INHA: variants seen among roughly 807,000 people sequenced by gnomAD.
INHA encodes the protein inhibin subunit alpha, also known as inhibin alpha chain.
Under a neutral mutation model 21.3 loss-of-function variants are expected in INHA, and 8 were observed. That is an observed-to-expected ratio of 0.38 (90% confidence interval 0.22 to 0.68). The LOEUF is 0.68. INHA is among the 30% of genes least tolerant of loss of function. The probability of loss-of-function intolerance (pLI) is 0.53; values close to 1 mark genes in which losing one functional copy is unlikely to be tolerated. For synonymous variants in INHA, 231 were observed against 207.5 expected (o/e 1.11, Z -0.97); for missense variants, 436 against 465.8 (o/e 0.94, Z 0.59).
chr2:219,573,511 A>T (rs570233402), intron 1 of INHA, among the ~76,000 whole-genome samples: 25 of 151,434 alleles, frequency 1.7e-4, no homozygotes, highest in Non-Finnish European at 2.8e-4. Context: ...TCTGAGTTAC[A>T]GCCCTCCTCC....
At position 219,575,701 on chromosome 2, in the gene INHA, A is replaced by G. The variant is rs766900105; in HGVS notation, c.*175A>G. ...TCTATCTCAATAAAGAACACAGTGC[A>G]TATGACTTGACATATGTTCTCCAGC... On this transcript the variant is annotated 3_prime_UTR_variant, in exon 2 of 2. Coordinates refer to ENST00000243786, the MANE Select transcript of INHA (RefSeq NM_002191.4). The G allele has an allele frequency of 7.8e-5, 49 of 628,028 alleles. No homozygotes were observed. The highest frequency in any genetic ancestry group is 1.4e-4 in the Non-Finnish European group (48 of 350,890). The allele number at this position is 628,028 out of a possible 1,614,324, so 38.9% of individuals were successfully genotyped here.
chr2:219,575,344 G>A lies in INHA; in HGVS notation c.919G>A (p.Val307Ile), dbSNP rs1398984162. Residue 307 changes from valine to isoleucine, a missense_variant, in exon 2 of 2, where the codon GTC becomes ATC. By Grantham distance (29) the Val-to-Ile change is conservative. Coordinates refer to ENST00000243786, the MANE Select transcript of INHA (RefSeq NM_002191.4). ...CATCCCACCAAACCTGTCCCTTCCA[G>A]TCCCTGGGGCTCCCCCTACCCCAGC... Reference protein sequence around the residue: ...LHIPPNLSLPVPGAPPTPAQP... With the variant: ...LHIPPNLSLPIPGAPPTPAQP... 7 of 1,614,156 alleles carry A rather than the reference G, an allele frequency of 4.3e-6. No homozygotes were observed. Among genetic ancestry groups the A allele is most frequent in the Non-Finnish European group, 5.9e-6 (7 of 1,180,006 alleles).
In INHA at chr2:219,574,888, C is replaced by T. The variant is rs144727732; in HGVS notation, c.463C>T (p.Leu155=). 8.7e-6 allele frequency: 14 copies of T among 1,614,066 alleles called. No homozygotes were observed. The Middle Eastern group carries it at 4.9e-4, about 57-fold the overall frequency. The change falls in exon 2 of 2, where the codon CTG becomes TTG. Residue 155 remains leucine (L), a synonymous_variant. Coordinates refer to ENST00000243786, the MANE Select transcript of INHA (RefSeq NM_002191.4). ...TAGCTCTGAGCCCCTGCTAGGCCTG[C>T]TGGCACTGTCACCGGGAGGACCCGT... ...SNSSEPLLGL[L]ALSPGGPVAV...
rs762659098 is a variant in INHA, at chr2:219,575,045, C to A, written c.620C>A (p.Ala207Asp). 7 of 1,613,390 alleles carry A rather than the reference C, an allele frequency of 4.3e-6. No individual in the cohort carries two copies. The highest frequency in any genetic ancestry group is 5.1e-6 in the Non-Finnish European group (6 of 1,180,056). The change falls in exon 2 of 2, where the codon GCC becomes GAC. Residue 207 changes from alanine to aspartate, a missense_variant. Transcript: ENST00000243786. Reference protein sequence around the residue: ...LLRCPLCTCSARPEATPFLVA... With the variant: ...LLRCPLCTCSDRPEATPFLVA... The stretch of plus-strand genomic sequence containing the variant: ...CGCTGTCCCCTCTGTACCTGCTCAG[C>A]CCGGCCTGAGGCCACGCCCTTCCTG...
chr2:219,572,542 G>T lies in INHA; in HGVS notation c.168G>T (p.Arg56Ser), dbSNP rs1213613104. 1 of 1,584,540 alleles carries T rather than the reference G, an allele frequency of 6.3e-7. No individual in the cohort carries two copies. Among genetic ancestry groups the T allele is most frequent in the East Asian group, 2.3e-5 (1 of 43,064 alleles). ...VTREGGDPGV[R>S]RLPRRHALGG... ...GGGAAGGTGGGGACCCTGGAGTCAG[G>T]CGGCTGCCCCGAAGACATGCCCTGG... The change falls in exon 1 of 2, where the codon AGG becomes AGT. Residue 56 changes from arginine to serine, a missense_variant. By Grantham distance (110) the Arg-to-Ser change is moderately radical. Transcript: ENST00000243786.
intron 1 of INHA, 79 bp downstream of exon 1, chr2:219,572,721 T>C (rs1160155584): frequency 1.3e-6 from 2 of 1,482,252 alleles, no homozygotes; most frequent in Non-Finnish European, 1.8e-6. Flanking sequence ...CAGGCGGACC[T>C]GGGTTTGAAT....
Position 219,572,531 on chromosome 2 carries a change from C to A in INHA, c.157C>A (p.Pro53Thr). The change falls in exon 1 of 2, where the codon CCT (proline) becomes ACT (threonine). Residue 53 changes from proline to threonine, a missense_variant. Physicochemically the swap from Pro to Thr is conservative, Grantham distance 38 (BLOSUM62 -1). Transcript: ENST00000243786. Reference protein sequence around the residue: ...PPAVTREGGDPGVRRLPRRHA... With the variant: ...PPAVTREGGDTGVRRLPRRHA... ...CGCGGTGACCAGGGAAGGTGGGGAC[C>A]CTGGAGTCAGGCGGCTGCCCCGAAG... The A allele has an allele frequency of 6.3e-7, 1 of 1,597,174 alleles. No individual in the cohort carries two copies. Among genetic ancestry groups the A allele is most frequent in the Non-Finnish European group, 8.5e-7 (1 of 1,171,448 alleles).
chr2:219,574,652 C>T, intron 1 of INHA, 42 bp from the exon 2 acceptor site: 1 of 1,534,760 alleles, frequency 6.5e-7, no homozygotes, highest in Non-Finnish European at 8.9e-7. Context: ...CCAGGTCCTG[C>T]CAGTCAGGGC....
At chr2:219,572,669 AT>A (rs1459429435) in intron 1 of INHA, 27 bp downstream of exon 1, 9 of 1,550,972 alleles carry the variant, frequency 5.8e-6, no homozygotes, top group Non-Finnish European at 7.8e-6. Flanking sequence ...AACCGGCAGG[AT>A]GACTTTGAGA....
In INHA at chr2:219,575,172, G is replaced by A. The variant is rs140014760; in HGVS notation, c.747G>A (p.Leu249=). The part of the protein sequence containing the change: ...WPWSPSALRL[L]QRPPEEPAAH... Reference sequence around the variant, plus strand: ...GGTCTCCCTCTGCTCTGCGCCTGCTGCAGAGGCCTCCGGAGGAACCGGCTG... The same window carrying A: ...GGTCTCCCTCTGCTCTGCGCCTGCTACAGAGGCCTCCGGAGGAACCGGCTG... The change falls in exon 2 of 2, where the codon CTG becomes CTA. Residue 249 remains leucine (L), a synonymous_variant. Coordinates refer to ENST00000243786, the MANE Select transcript of INHA (RefSeq NM_002191.4). 1,509 of 1,614,268 alleles carry A rather than the reference G, an allele frequency of 9.3e-4. 2 individuals carry two copies. Among genetic ancestry groups the A allele is most frequent in the South Asian group, 1.1e-3 (100 of 91,090 alleles).
Position 219,574,989 on chromosome 2 carries a change from G to C in INHA, c.564G>C (p.Leu188=). The change falls in exon 2 of 2, where the codon CTG becomes CTC. Residue 188 remains leucine (L), a synonymous_variant. Coordinates refer to ENST00000243786, the MANE Select transcript of INHA (RefSeq NM_002191.4). ...VLHLATSALS[L]LTHPVLVLLL... ...ACCTGGCCACCTCTGCTCTCTCTCT[G>C]CTGACCCACCCCGTCCTGGTGCTGC... The C allele has an allele frequency of 1.9e-6, 3 of 1,613,406 alleles. No homozygotes were observed. Among genetic ancestry groups the C allele is most frequent in the Non-Finnish European group, 2.5e-6 (3 of 1,180,012 alleles).
chr2:219,575,150 C>T lies in INHA; in HGVS notation c.725C>T (p.Ser242Phe). Residue 242 changes from serine (S) to phenylalanine (F), a missense_variant, in exon 2 of 2, where the codon TCT becomes TTT. Physicochemically the swap from Ser to Phe is radical, Grantham distance 155. Transcript: ENST00000243786. ...ACTCCCCTGATGTCCTGGCCTTGGT[C>T]TCCCTCTGCTCTGCGCCTGCTGCAG... ...RSTPLMSWPW[S>F]PSALRLLQRP... The T allele has an allele frequency of 6.2e-7, 1 of 1,614,238 alleles. No individual in the cohort carries two copies. The highest frequency in any genetic ancestry group is 1.1e-5 in the South Asian group (1 of 91,088).
rs1434550525 is a variant in INHA at position 219,575,368 on chromosome 2, G to C, written c.943G>C (p.Ala315Pro). ...AGTCCCTGGGGCTCCCCCTACCCCA[G>C]CCCAGCCCTACTCCTTGCTGCCAGG... ...LPVPGAPPTPAQPYSLLPGAQ... is the reference protein window; with the variant it reads ...LPVPGAPPTPPQPYSLLPGAQ... Residue 315 changes from alanine to proline, a missense_variant, in exon 2 of 2, where the codon GCC becomes CCC. Physicochemically the swap from Ala to Pro is conservative, Grantham distance 27 (BLOSUM62 -1). Coordinates refer to ENST00000243786, the MANE Select transcript of INHA (RefSeq NM_002191.4). The C allele has an allele frequency of 6.2e-7, 1 of 1,614,014 alleles. No homozygotes were observed. The highest frequency in any genetic ancestry group is 1.3e-5 in the African/African-American group (1 of 74,930).
In INHA at chr2:219,572,517, G is replaced by A; in HGVS notation, c.143G>A (p.Arg48Lys). The A allele has an allele frequency of 6.2e-7, 1 of 1,604,150 alleles. No homozygotes were observed. The highest frequency in any genetic ancestry group is 8.5e-7 in the Non-Finnish European group (1 of 1,175,096). ...LDALGPPAVT[R>K]EGGDPGVRRL... ...GCCTTGGGGCCCCCCGCGGTGACCA[G>A]GGAAGGTGGGGACCCTGGAGTCAGG... The change falls in exon 1 of 2, where the codon AGG becomes AAG. Residue 48 changes from arginine (R) to lysine (K), a missense_variant. By Grantham distance (26) the Arg-to-Lys change is conservative. Coordinates refer to ENST00000243786, the MANE Select transcript of INHA (RefSeq NM_002191.4).
intron 1 of INHA, among the ~76,000 whole-genome samples, chr2:219,573,055 A>G (rs1697452077): frequency 6.6e-6 from 1 of 152,234 alleles, no homozygotes; most frequent in Non-Finnish European, 1.5e-5. Flanking sequence ...GCAAAAGATT[A>G]GTTGGGAAAC....
rs367749891 is a variant in INHA, at chr2:219,575,021, G to A, written c.596G>A (p.Arg199His). 3.1e-6 allele frequency: 5 copies of A among 1,612,980 alleles called. No homozygotes were observed. Among genetic ancestry groups the A allele is most frequent in the African/African-American group, 2.7e-5 (2 of 74,944 alleles). ...LTHPVLVLLLRCPLCTCSARP... is the reference protein window; with the variant it reads ...LTHPVLVLLLHCPLCTCSARP... ...CACCCCGTCCTGGTGCTGCTGCTGC[G>A]CTGTCCCCTCTGTACCTGCTCAGCC... Residue 199 changes from arginine (R) to histidine (H), a missense_variant, in exon 2 of 2, where the codon CGC becomes CAC. Arg to His is a conservative substitution (Grantham distance 29). Coordinates refer to ENST00000243786, the MANE Select transcript of INHA (RefSeq NM_002191.4).
Position 219,574,152 on chromosome 2 carries a change from G to A in INHA, c.269-542G>A, listed in dbSNP as rs147225743. 1.0e-3 allele frequency among the ~76,000 whole-genome samples: 151 copies of A among 151,712 alleles called. 1 individual carries two copies. Among genetic ancestry groups the A allele is most frequent in the African/African-American group, 3.5e-3 (143 of 41,320 alleles). On this transcript the variant is annotated intron_variant, in intron 1 of 1. Coordinates refer to ENST00000243786, the MANE Select transcript of INHA (RefSeq NM_002191.4). ...AAGTTAGCTAGGTGTGGTAGCACAC[G>A]CCTGTGGTCTCAGTTACTCAGGAGG...
At position 219,574,860 on chromosome 2, in the gene INHA, C is replaced by T. The variant is rs374194732; in HGVS notation, c.435C>T (p.Ser145=). 10 of 1,614,106 alleles carry T rather than the reference C, an allele frequency of 6.2e-6. No individual in the cohort carries two copies. In the African/African-American group the frequency reaches 1.3e-4, roughly 21 times the overall value. The part of the protein sequence containing the change: ...TGLDRQGTAA[S]NSSEPLLGLL... ...TGGACAGGCAGGGCACAGCAGCCTC[C>T]AATAGCTCTGAGCCCCTGCTAGGCC... is the stretch of plus-strand genomic sequence containing the variant. The change falls in exon 2 of 2, where the codon TCC becomes TCT. Residue 145 remains serine (S), a synonymous_variant. Coordinates refer to ENST00000243786, the MANE Select transcript of INHA (RefSeq NM_002191.4).
In INHA at chr2:219,575,266, G is replaced by A. The variant is rs1341715949; in HGVS notation, c.841G>A (p.Val281Met). 7.4e-6 allele frequency: 12 copies of A among 1,614,066 alleles called. No homozygotes were observed. Among genetic ancestry groups the A allele is most frequent in the Admixed American group, 1.7e-5 (1 of 60,014 alleles). ...GGAGCTGGGCTGGGAACGGTGGATC[G>A]TGTACCCTCCCAGTTTCATCTTCCA... is the stretch of plus-strand genomic sequence containing the variant. ...FQELGWERWI[V>M]YPPSFIFHYC... Residue 281 changes from valine (V) to methionine (M), a missense_variant, in exon 2 of 2, where the codon GTG becomes ATG. Transcript: ENST00000243786.
Sources: allele counts gnomAD v4.1 joint callset (sites outside exome capture counted in the v4.1 genomes callset), GRCh38; gene constraint gnomAD v4.1.1; transcripts MANE v1.5; gene names NCBI Gene and HGNC (gene_info 2026-07-23, HGNC 2026-07-21).